The following SLCO2A1 variants were observed in gnomAD, a reference collection of about 807,000 sequenced individuals.
SLCO2A1 encodes the protein matrin F/G 1.
Under a neutral mutation model 71.7 loss-of-function variants are expected in SLCO2A1, and 60 were observed. The ratio of observed to expected loss-of-function variants is 0.84; its 90% confidence interval spans 0.68 to 1.04. The LOEUF is 1.04. Among genes scored for constraint, SLCO2A1 ranks in the 50% least tolerant of loss-of-function variants. The pLI, the probability that SLCO2A1 is intolerant of heterozygous loss-of-function variation, is 0.00. For missense variants in SLCO2A1, 745 were observed against 813.4 expected, an observed-to-expected ratio of 0.92 and a Z score of 1.02; for synonymous variants, 308 against 326.7, an observed-to-expected ratio of 0.94 and a Z score of 0.62.
chr3:134,027,611 TGAG>T (rs1014928077), intron 1 of SLCO2A1, among the ~76,000 whole-genome samples: 5 of 152,216 alleles, frequency 3.3e-5, no homozygotes, highest in Admixed American at 1.3e-4. Flanking sequence ...ACTCAGTGTC[TGAG>T]GAGTTTTGTC....
At chr3:134,021,524 G>T (rs566011687) in intron 1 of SLCO2A1, among the ~76,000 whole-genome samples, 1 of 152,200 alleles carries the variant, frequency 6.6e-6, no homozygotes, top group South Asian at 2.1e-4. Flanking sequence ...CAGTGGTTGA[G>T]AGAACAGCAG....
Position 133,935,008 on chromosome 3 carries a change from G to A in SLCO2A1, c.1815-178C>T, listed in dbSNP as rs192137396. On this transcript the variant is annotated intron_variant, in intron 13 of 13. Transcript: ENST00000310926. Reference sequence around the variant, plus strand: ...GACCCAAAAGGGAACAAAGCTGTAGGGAAGCAGGCAGGGAGTAGGCATGGG... The same window carrying A: ...GACCCAAAAGGGAACAAAGCTGTAGAGAAGCAGGCAGGGAGTAGGCATGGG... Among the ~76,000 whole-genome samples the A allele has an allele frequency of 1.9e-4, 29 of 152,302 alleles. No homozygotes were observed. In the East Asian group the frequency reaches 5.2e-3, roughly 27 times the overall value.
At position 133,973,068 on chromosome 3, in the gene SLCO2A1, T is replaced by C. The variant is rs79697688; in HGVS notation, c.397+595A>G. On this transcript the variant is annotated intron_variant, in intron 3 of 13. Coordinates refer to ENST00000310926, the MANE Select transcript of SLCO2A1 (RefSeq NM_005630.3). ...AACAAAAATATGGGTCAACCATAAGTGGAAGATGAGAGAGGATGGTGGGCA... is the reference window on the plus strand; with the variant it reads ...AACAAAAATATGGGTCAACCATAAGCGGAAGATGAGAGAGGATGGTGGGCA... 6.9e-3 allele frequency among the ~76,000 whole-genome samples: 1,054 copies of C among 152,218 alleles called. 14 individuals carry two copies. Among genetic ancestry groups the C allele is most frequent in the African/African-American group, 0.024 (1,005 of 41,532 alleles).
rs191913640 is a variant in SLCO2A1 at position 133,997,499 on chromosome 3, G to A, written c.97-17881C>T. ...CAAAAAGAGGAAATTTGGATACAAA[G>A]ACACACAGGGAAGAATACCATTTGA... On this transcript the variant is annotated intron_variant, in intron 1 of 13. Coordinates refer to ENST00000310926, the MANE Select transcript of SLCO2A1 (RefSeq NM_005630.3). 2.0e-3 allele frequency among the ~76,000 whole-genome samples: 311 copies of A among 152,322 alleles called. 1 individual carries two copies. Among genetic ancestry groups the A allele is most frequent in the Non-Finnish European group, 3.3e-3 (222 of 68,036 alleles).
chr3:134,021,511 A>G (rs912068684), intron 1 of SLCO2A1, among the ~76,000 whole-genome samples: 3 of 152,034 alleles, frequency 2.0e-5, no homozygotes, highest in Admixed American at 6.5e-5. Flanking sequence ...CGCCCCCAAC[A>G]CACAGTGGTT....
chr3:133,957,194 G>A (rs1173433835), intron 3 of SLCO2A1, among the ~76,000 whole-genome samples: 1 of 152,112 alleles, frequency 6.6e-6, no homozygotes, highest in African/African-American at 2.4e-5. Context: ...AACACTGATG[G>A]GATTCAGTTT....
chr3:133,946,790 C>T (rs1933588790), intron 9 of SLCO2A1, among the ~76,000 whole-genome samples: 1 of 152,118 alleles, frequency 6.6e-6, no homozygotes, highest in South Asian at 2.1e-4. Context: ...CCATTCAAGA[C>T]CTGATTTTCT....
intron 1 of SLCO2A1, among the ~76,000 whole-genome samples, chr3:134,020,467 A>C (rs960470286): frequency 1.3e-5 from 2 of 152,190 alleles, no homozygotes; most frequent in Non-Finnish European, 2.9e-5. Flanking sequence ...AGATCCTGAG[A>C]GCGCTCAGGG....
At chr3:133,939,628 C>T (rs1933364234) in intron 11 of SLCO2A1, among the ~76,000 whole-genome samples, 1 of 152,174 alleles carries the variant, frequency 6.6e-6, no homozygotes, top group South Asian at 2.1e-4. Flanking sequence ...CCCTTGGGAC[C>T]CCCACAATGC....
chr3:133,945,419 G>A (rs988416243), intron 9 of SLCO2A1, among the ~76,000 whole-genome samples, 159 bp from the exon 10 acceptor site: 8 of 152,292 alleles, frequency 5.3e-5, no homozygotes, highest in Admixed American at 3.9e-4. Flanking sequence ...GCCTGGTGGA[G>A]CCAACAGTGA....
Position 133,973,830 on chromosome 3 carries a change from GA to G in SLCO2A1, c.235-6del. 2 of 1,610,778 alleles carry G rather than the reference GA, an allele frequency of 1.2e-6. No homozygotes were observed. The highest frequency in any genetic ancestry group is 1.7e-6 in the Non-Finnish European group (2 of 1,178,562). On this transcript the variant is annotated splice_region_variant and splice_polypyrimidine_tract_variant and intron_variant, in intron 2 of 13. Transcript: ENST00000310926. ...GATGAGGATGGCATTGCTGATCTGA[GA>G]AGAGAGCAGAAGGGCTGAGTGAGAC...
chr3:134,020,970 T>G (rs1475114657), intron 1 of SLCO2A1, among the ~76,000 whole-genome samples: 3 of 152,098 alleles, frequency 2.0e-5, no homozygotes, highest in Non-Finnish European at 4.4e-5. Flanking sequence ...TCTTGGGAAC[T>G]TGCCCACTCC....
chr3:133,964,465 C>T (rs369004994), intron 3 of SLCO2A1, among the ~76,000 whole-genome samples: 1 of 152,112 alleles, frequency 6.6e-6, no homozygotes, highest in Non-Finnish European at 1.5e-5. Context: ...TGGAGACAGG[C>T]AATGTTGCCC....
intron 1 of SLCO2A1, among the ~76,000 whole-genome samples, chr3:134,000,892 C>T (rs1935091776): frequency 6.6e-6 from 1 of 152,214 alleles, no homozygotes; most frequent in African/African-American, 2.4e-5. Flanking sequence ...TTAAACTCTG[C>T]ACATCTGCAC....
chr3:134,019,299 G>A (rs1935522137), intron 1 of SLCO2A1, among the ~76,000 whole-genome samples: 1 of 152,154 alleles, frequency 6.6e-6, no homozygotes, highest in Non-Finnish European at 1.5e-5. Flanking sequence ...CCACCTGATA[G>A]GGTTGTAATG....
chr3:133,953,983 C>A (rs1349953103), intron 4 of SLCO2A1, among the ~76,000 whole-genome samples: 1 of 152,038 alleles, frequency 6.6e-6, no homozygotes, highest in African/African-American at 2.4e-5. Context: ...TCCAAAGAGA[C>A]CTGCTTGCCA....
At position 133,964,454 on chromosome 3, in the gene SLCO2A1, T is replaced by C. The variant is rs192724082; in HGVS notation, c.397+9209A>G. ...AATAGATAAGGGAAATGGGAGAAGCTTGGAGACAGGCAATGTTGCCCAGGC... is the reference window on the plus strand; with the variant it reads ...AATAGATAAGGGAAATGGGAGAAGCCTGGAGACAGGCAATGTTGCCCAGGC... On this transcript the variant is annotated intron_variant, in intron 3 of 13. Coordinates refer to ENST00000310926, the MANE Select transcript of SLCO2A1 (RefSeq NM_005630.3). Among the ~76,000 whole-genome samples, 69 of 152,280 alleles carry C rather than the reference T, an allele frequency of 4.5e-4. No homozygotes were observed. The East Asian group carries it at 0.011, about 25-fold the overall frequency.
chr3:134,012,061 G>A (rs1046554107), intron 1 of SLCO2A1, among the ~76,000 whole-genome samples: 3 of 152,148 alleles, frequency 2.0e-5, no homozygotes, highest in African/African-American at 7.2e-5. Flanking sequence ...TGGTGACCAG[G>A]CTCCTGTCAG....
At chr3:133,975,807 A>G (rs1390665864) in intron 2 of SLCO2A1, among the ~76,000 whole-genome samples, 1 of 152,162 alleles carries the variant, frequency 6.6e-6, no homozygotes, top group African/African-American at 2.4e-5. Flanking sequence ...CTCAGATTGA[A>G]TCATCTCAAG....
Sources: allele counts gnomAD v4.1 joint callset (sites outside exome capture counted in the v4.1 genomes callset), GRCh38; gene constraint gnomAD v4.1.1; transcripts MANE v1.5; gene names NCBI Gene and HGNC (gene_info 2026-07-23, HGNC 2026-07-21).